The following ERC1 variants were observed in gnomAD, a reference collection of about 807,000 sequenced individuals.
ERC1 encodes the protein RAB6 interacting protein 2.
A neutral mutation model predicts 132.0 loss-of-function variants in ERC1; 56 were observed. The ratio of observed to expected loss-of-function variants is 0.42; its 90% confidence interval spans 0.34 to 0.53. The LOEUF is 0.53. Ranked by LOEUF, ERC1 falls within the 20% of genes least tolerant of loss-of-function variation. ERC1 has a pLI of 0.03. For missense variants in ERC1, 1,202 were observed against 1,349.9 expected (o/e 0.89, Z 1.72); for synonymous variants, 478 against 476.1 (o/e 1.00, Z -0.05).
At chr12:1,141,506 C>A (rs767673582) in intron 7 of ERC1, 114 bp from the exon 8 acceptor site, 9 of 788,370 alleles carry the variant, frequency 1.1e-5, no homozygotes, top group Non-Finnish European at 1.5e-5. Flanking sequence ...GATAATACTA[C>A]TTTTATAGAA....
chr12:1,179,924 T>G (rs986074443), intron 8 of ERC1, among the ~76,000 whole-genome samples: 4 of 152,244 alleles, frequency 2.6e-5, no homozygotes, highest in African/African-American at 9.6e-5. Flanking sequence ...TGTTTGCTGC[T>G]TAGATAAAAG....
In ERC1 at chr12:1,493,548, A is replaced by AAAAATATATATATATAT. The variant is rs56939346; in HGVS notation, c.*3319_*3320insAAATATATATATATATA. On this transcript the variant is annotated 3_prime_UTR_variant, in exon 19 of 19. Coordinates refer to ENST00000360905, the MANE Select transcript of ERC1 (RefSeq NM_178040.4). ...ACTCCATTTAAAAAAAAAAAAAAAA[A>AAAAATATATATATATAT]ATATATATATATATATATATATATA... 1 of 13,620 alleles carries AAAAATATATATATATAT rather than the reference A, an allele frequency of 7.3e-5. No individual in the cohort carries two copies. The highest frequency in any genetic ancestry group is 1.5e-4 in the Non-Finnish European group (1 of 6,822). 0.8% of individuals were successfully genotyped at this position (13,620 alleles called of 1,614,324 possible).
At chr12:1,135,818 T>G (rs1021743943) in intron 7 of ERC1, among the ~76,000 whole-genome samples, 1 of 152,160 alleles carries the variant, frequency 6.6e-6, no homozygotes, top group African/African-American at 2.4e-5. Flanking sequence ...ACTCCAGAAC[T>G]TGGAGAGAGG....
intron 12 of ERC1, among the ~76,000 whole-genome samples, chr12:1,195,243 TC>T (rs1956113872): frequency 6.6e-6 from 1 of 152,128 alleles, no homozygotes; most frequent in Non-Finnish European, 1.5e-5. Flanking sequence ...CCCCAAAAGT[TC>T]CCTTTTGCCC....
At chr12:1,237,508 T>C (rs780192691) in intron 13 of ERC1, among the ~76,000 whole-genome samples, 12 of 152,228 alleles carry the variant, frequency 7.9e-5, no homozygotes, top group Non-Finnish European at 1.3e-4. Context: ...TACCATATTA[T>C]AAGTGCCAGT....
chr12:1,248,073 A>T (rs1157044328), intron 13 of ERC1, among the ~76,000 whole-genome samples: 1 of 152,238 alleles, frequency 6.6e-6, no homozygotes, highest in African/African-American at 2.4e-5. Context: ...TCAAGCCATG[A>T]TGATGTAATA....
chr12:1,404,484 G>T (rs1321951602), intron 16 of ERC1, among the ~76,000 whole-genome samples: 1 of 151,824 alleles, frequency 6.6e-6, no homozygotes, highest in African/African-American at 2.4e-5. Context: ...AAAGTGTGCT[G>T]GGAGAGCAAA....
At chr12:1,196,737 C>T (rs1221323800) in intron 12 of ERC1, among the ~76,000 whole-genome samples, 1 of 150,600 alleles carries the variant, frequency 6.6e-6, no homozygotes, top group Admixed American at 6.6e-5. Context: ...TCAAGTGATC[C>T]CCTTGGCCTC....
chr12:1,404,472 G>T (rs1170472472), intron 16 of ERC1, among the ~76,000 whole-genome samples: 1 of 151,522 alleles, frequency 6.6e-6, no homozygotes, highest in Non-Finnish European at 1.5e-5. Context: ...GGTCTCACAA[G>T]CAAAGTGTGC....
intron 18 of ERC1, among the ~76,000 whole-genome samples, chr12:1,461,279 T>C (rs904251694): frequency 6.6e-6 from 1 of 152,180 alleles, no homozygotes; most frequent in Non-Finnish European, 1.5e-5. Flanking sequence ...ATAACCTGTA[T>C]GTTGAATGAT....
At chr12:1,279,870 A>G (rs557327999) in intron 14 of ERC1, among the ~76,000 whole-genome samples, 4 of 151,914 alleles carry the variant, frequency 2.6e-5, no homozygotes, top group African/African-American at 4.8e-5. Context: ...TAATTTTTGT[A>G]TTTTTAGTAA....
chr12:1,466,592 G>A (rs890080431), intron 18 of ERC1, among the ~76,000 whole-genome samples: 4 of 152,070 alleles, frequency 2.6e-5, no homozygotes, highest in African/African-American at 9.7e-5. Flanking sequence ...AACAAGCTCT[G>A]GAAACTGCAT....
intron 2 of ERC1, among the ~76,000 whole-genome samples, chr12:1,036,694 G>GCT (rs1299381326): frequency 8.5e-5 from 13 of 152,258 alleles, no homozygotes; most frequent in Non-Finnish European, 1.3e-4. Context: ...ACTTTGTCAT[G>GCT]AGGTTGCTAG....
At chr12:1,041,260 T>G (rs1592888740) in intron 2 of ERC1, among the ~76,000 whole-genome samples, 1 of 151,368 alleles carries the variant, frequency 6.6e-6, no homozygotes. Flanking sequence ...TAGACTGGAG[T>G]GCAGTGGCAT....
intron 13 of ERC1, among the ~76,000 whole-genome samples, chr12:1,242,963 G>A (rs1332015637): frequency 3.3e-5 from 5 of 151,970 alleles, no homozygotes; most frequent in African/African-American, 1.2e-4. Context: ...CGAGGCGGGT[G>A]GATCATGAGG....
chr12:1,173,305 G>A (rs1371223229), intron 8 of ERC1, among the ~76,000 whole-genome samples: 1 of 152,102 alleles, frequency 6.6e-6, no homozygotes, highest in East Asian at 1.9e-4. Context: ...TAAAGTCCTT[G>A]CATCAGTACC....
intron 15 of ERC1, among the ~76,000 whole-genome samples, chr12:1,350,713 G>A (rs2084917546): frequency 6.6e-6 from 1 of 152,192 alleles, no homozygotes. Flanking sequence ...TCTGTTGTGT[G>A]TTGTTATAAA....
At chr12:1,367,939 G>A (rs966103645) in intron 15 of ERC1, among the ~76,000 whole-genome samples, 3 of 144,826 alleles carry the variant, frequency 2.1e-5, no homozygotes, top group South Asian at 2.2e-4. Context: ...AAGGTTTCGT[G>A]TCCACATTTT....
intron 2 of ERC1, among the ~76,000 whole-genome samples, chr12:1,038,610 C>T (rs929688064): frequency 1.1e-4 from 17 of 152,288 alleles, no homozygotes; most frequent in African/African-American, 3.4e-4. Flanking sequence ...CTACCTGCTT[C>T]GGCCTCCCAA....
Sources: gnomAD v4.1 joint callset for allele counts (sites outside exome capture counted in the v4.1 genomes callset) on GRCh38, gnomAD v4.1.1 for gene constraint, MANE v1.5 for transcripts, NCBI Gene and HGNC (gene_info 2026-07-23, HGNC 2026-07-21) for gene names.